Variants in ARHGAP44 observed in about 807,000 individuals in gnomAD.
ARHGAP44 encodes the protein rho GTPase-activating protein 44.
ARHGAP44 carries 43 observed loss-of-function variants against 106.8 expected under a neutral mutation model. The observed-to-expected ratio is 0.40, with a 90% CI of 0.32 to 0.52. ARHGAP44 has a LOEUF of 0.52. ARHGAP44 is among the 20% of genes least tolerant of loss of function. The pLI, the probability that ARHGAP44 is intolerant of heterozygous loss-of-function variation, is 0.48. For missense variants in ARHGAP44, 866 were observed against 1,050.5 expected (o/e 0.82, Z 2.43); for synonymous variants, 439 against 410.3 (o/e 1.07, Z -0.85).
intron 1 of ARHGAP44, among the ~76,000 whole-genome samples, chr17:12,852,901 A>C (rs1464509054): frequency 6.6e-6 from 1 of 152,198 alleles, no homozygotes; most frequent in African/African-American, 2.4e-5. Context: ...TATAGATTGC[A>C]TGGTCAGGTG....
At chr17:12,988,530 A>C (rs1471820216) in intron 20 of ARHGAP44, 1 of 152,238 alleles carries the variant, frequency 6.6e-6, no homozygotes, top group Non-Finnish European at 1.5e-5. Flanking sequence ...CTGTTCCTCC[A>C]GCCCCACGCC....
At chr17:12,856,894 T>C (rs886276708) in intron 1 of ARHGAP44, among the ~76,000 whole-genome samples, 18 of 152,248 alleles carry the variant, frequency 1.2e-4, no homozygotes, top group Non-Finnish European at 2.5e-4. Context: ...CTTGTTGCTC[T>C]TTCTGTGTAT....
chr17:12,802,547 A>G (rs541735105), intron 1 of ARHGAP44, among the ~76,000 whole-genome samples: 1 of 152,258 alleles, frequency 6.6e-6, no homozygotes, highest in Admixed American at 6.5e-5. Context: ...CTACAATGAC[A>G]GCAGTGAGGA....
intron 1 of ARHGAP44, among the ~76,000 whole-genome samples, chr17:12,842,440 A>G (rs1262267086): frequency 7.5e-5 from 10 of 133,134 alleles, no homozygotes; most frequent in African/African-American, 2.7e-4. Flanking sequence ...AAAAGAAAGA[A>G]AAAAGAAAAG....
At chr17:12,890,163 T>G (rs1228134238) in intron 1 of ARHGAP44, among the ~76,000 whole-genome samples, 1 of 152,104 alleles carries the variant, frequency 6.6e-6, no homozygotes, top group Non-Finnish European at 1.5e-5. Flanking sequence ...TACAGTGGCT[T>G]TGTCCCCACA....
chr17:12,915,082 C>T (rs964973570), intron 4 of ARHGAP44, among the ~76,000 whole-genome samples: 6 of 152,116 alleles, frequency 3.9e-5, no homozygotes, highest in Non-Finnish European at 7.4e-5. Flanking sequence ...TCTGTCACCC[C>T]GGCTGGAGTG....
intron 4 of ARHGAP44, among the ~76,000 whole-genome samples, chr17:12,914,943 G>T (rs531735692): frequency 2.1e-4 from 32 of 152,190 alleles, no homozygotes; most frequent in African/African-American, 7.0e-4. Flanking sequence ...TACATGTAGA[G>T]TAAAAATGTG....
intron 10 of ARHGAP44, among the ~76,000 whole-genome samples, chr17:12,946,414 G>T (rs1459841906): frequency 1.3e-5 from 2 of 151,832 alleles, no homozygotes; most frequent in Non-Finnish European, 1.5e-5. Context: ...GGGAGGCTGA[G>T]GTGGGAGGAT....
At chr17:12,942,807 C>T (rs145532765) in intron 8 of ARHGAP44, among the ~76,000 whole-genome samples, 34 of 152,324 alleles carry the variant, frequency 2.2e-4, no homozygotes, top group African/African-American at 8.2e-4. Context: ...TGAGTTTCAT[C>T]TGCTCTTATC....
In ARHGAP44 at chr17:12,947,530, C is replaced by T. The variant is rs148406163; in HGVS notation, c.862-1610C>T. Among the ~76,000 whole-genome samples, 37 of 152,320 alleles carry T rather than the reference C, an allele frequency of 2.4e-4. No homozygotes were observed. The East Asian group carries it at 4.8e-3, about 20-fold the overall frequency. On this transcript the variant is annotated intron_variant, in intron 10 of 20. Coordinates refer to ENST00000379672, the MANE Select transcript of ARHGAP44 (RefSeq NM_014859.6). The stretch of plus-strand genomic sequence containing the variant: ...ACTCCCCCTGTGAAAAGGCTTCACT[C>T]GTGCTCACTGCCATCCTTCAACATT...
chr17:12,903,161 G>GTGTA (rs1336598126), intron 3 of ARHGAP44, among the ~76,000 whole-genome samples: 2 of 150,362 alleles, frequency 1.3e-5, no homozygotes, highest in Non-Finnish European at 3.0e-5. Context: ...GTGTGTGTGT[G>GTGTA]TGTGTGTGTG....
At chr17:12,956,843 C>CT (rs372698471) in intron 15 of ARHGAP44, 97 bp downstream of exon 15, 1,915 of 786,506 alleles carry the variant, frequency 2.4e-3, no homozygotes, top group South Asian at 3.6e-3. Flanking sequence ...TGCCCACAGG[C>CT]TTTTTTTTTT....
intron 1 of ARHGAP44, among the ~76,000 whole-genome samples, chr17:12,802,357 CAG>C (rs2034119063): frequency 6.6e-6 from 1 of 152,180 alleles, no homozygotes; most frequent in Non-Finnish European, 1.5e-5. Flanking sequence ...GGAGTGACCA[CAG>C]AGTGTCCCTG....
At position 12,927,819 on chromosome 17, in the gene ARHGAP44, G is replaced by T. The variant is rs181576721; in HGVS notation, c.465-1110G>T. Among the ~76,000 whole-genome samples the T allele has an allele frequency of 4.5e-3, 678 of 152,322 alleles. 2 individuals are homozygous for T. The highest frequency in any genetic ancestry group is 7.3e-3 in the Non-Finnish European group (498 of 68,028). ...CTGCTGTTTGTCCTCCTGATTACAG[G>T]ATTGTTTTTCTTAGAGCTGAGAAAT... On this transcript the variant is annotated intron_variant, in intron 6 of 20. Coordinates refer to ENST00000379672, the MANE Select transcript of ARHGAP44 (RefSeq NM_014859.6).
At chr17:12,830,370 G>A (rs1395866425) in intron 1 of ARHGAP44, among the ~76,000 whole-genome samples, 3 of 152,084 alleles carry the variant, frequency 2.0e-5, no homozygotes, top group East Asian at 1.9e-4. Flanking sequence ...CTACTCTTGG[G>A]GTCTGCCTCC....
chr17:12,843,289 T>C (rs2035470190), intron 1 of ARHGAP44, among the ~76,000 whole-genome samples: 1 of 152,192 alleles, frequency 6.6e-6, no homozygotes, highest in Non-Finnish European at 1.5e-5. Flanking sequence ...GGAAACCATC[T>C]GTACCTAGCT....
At chr17:12,806,238 G>A (rs781122899) in intron 1 of ARHGAP44, among the ~76,000 whole-genome samples, 2 of 152,074 alleles carry the variant, frequency 1.3e-5, no homozygotes, top group African/African-American at 4.8e-5. Context: ...TGGTTGTAGT[G>A]GGGGCTTGGA....
intron 1 of ARHGAP44, among the ~76,000 whole-genome samples, chr17:12,800,952 A>C (rs536380815): frequency 4.1e-4 from 62 of 152,292 alleles, no homozygotes; most frequent in Non-Finnish European, 6.6e-4. Flanking sequence ...TAAAAATGTC[A>C]CGTTCATTTA....
chr17:12,956,034 G>T, intron 14 of ARHGAP44, 54 bp downstream of exon 14: 1 of 1,370,728 alleles, frequency 7.3e-7, no homozygotes, highest in South Asian at 1.2e-5. Context: ...TGCAGGGCCT[G>T]AGCAGGGTGG....
Sources: gnomAD v4.1 joint callset for allele counts (sites outside exome capture counted in the v4.1 genomes callset) on GRCh38, gnomAD v4.1.1 for gene constraint, MANE v1.5 for transcripts, NCBI Gene and HGNC (gene_info 2026-07-23, HGNC 2026-07-21) for gene names.